Variants in PGBD5 observed in about 807,000 individuals in gnomAD.
PGBD5 encodes the protein piggyBac transposable element derived 5.
Under a neutral mutation model 47.9 loss-of-function variants are expected in PGBD5, and 14 were observed. That is an observed-to-expected ratio of 0.29 (90% CI 0.19 to 0.46). PGBD5 has a LOEUF of 0.46. PGBD5 is among the 20% of genes least tolerant of loss of function. The probability of loss-of-function intolerance (pLI) is 1.00; values close to 1 mark genes in which losing one functional copy is unlikely to be tolerated. For missense variants in PGBD5, 635 were observed against 716.0 expected, an observed-to-expected ratio of 0.89 and a Z score of 1.29; for synonymous variants, 316 against 306.3, an observed-to-expected ratio of 1.03 and a Z score of -0.33.
At chr1:230,391,879 A>G (rs962907781) in intron 1 of PGBD5, among the ~76,000 whole-genome samples, 1 of 152,194 alleles carries the variant, frequency 6.6e-6, no homozygotes. Flanking sequence ...TCTTTCTTCC[A>G]TGCTCAGCAG....
rs139807729 is a variant in PGBD5 at position 230,409,140 on chromosome 1, A to C, written c.331+16458T>G. On this transcript the variant is annotated intron_variant, in intron 1 of 6. Transcript: ENST00000391860. ...CATCATGAGTCATTCAGGAAACACA[A>C]GTCAAAACCTCAATGAGCTTCCACT... Among the ~76,000 whole-genome samples the C allele has an allele frequency of 3.6e-3, 556 of 152,330 alleles. 1 individual carries two copies. The highest frequency in any genetic ancestry group is 6.7e-3 in the Non-Finnish European group (455 of 68,024).
intron 1 of PGBD5, chr1:230,367,964 A>C (rs532460940): frequency 7.3e-7 from 1 of 1,366,478 alleles, no homozygotes; most frequent in Non-Finnish European, 9.8e-7. Flanking sequence ...AAGGAGCTCA[A>C]GGTCCTGCAA....
intron 1 of PGBD5, among the ~76,000 whole-genome samples, chr1:230,418,371 C>T (rs999401242): frequency 1.3e-5 from 2 of 152,172 alleles, no homozygotes; most frequent in African/African-American, 2.4e-5. Flanking sequence ...CTGCTCTATG[C>T]GATATGGATG....
At chr1:230,412,185 G>A (rs982220736) in intron 1 of PGBD5, among the ~76,000 whole-genome samples, 2 of 152,146 alleles carry the variant, frequency 1.3e-5, no homozygotes, top group East Asian at 3.9e-4. Context: ...TTATATTAAT[G>A]CTTATCAACG....
At chr1:230,382,394 G>A (rs1381987923) in intron 1 of PGBD5, among the ~76,000 whole-genome samples, 1 of 152,226 alleles carries the variant, frequency 6.6e-6, no homozygotes, top group African/African-American at 2.4e-5. Context: ...GAGGAGAAGA[G>A]CTGTTGACTG....
At chr1:230,356,021 G>A (rs1194038520) in intron 2 of PGBD5, among the ~76,000 whole-genome samples, 1 of 152,204 alleles carries the variant, frequency 6.6e-6, no homozygotes, top group Non-Finnish European at 1.5e-5. Context: ...GGTTTATTTA[G>A]AAGAGCCTTA....
intron 1 of PGBD5, among the ~76,000 whole-genome samples, chr1:230,396,455 T>G (rs113399480): frequency 0.015 from 1,303 of 84,150 alleles, 46 homozygotes; most frequent in African/African-American, 0.058. Context: ...TCTATCCTCC[T>G]CCCCCTCAAC....
intron 3 of PGBD5, among the ~76,000 whole-genome samples, chr1:230,348,571 T>C (rs1267931554): frequency 2.6e-5 from 4 of 152,230 alleles, no homozygotes; most frequent in Admixed American, 2.6e-4. Flanking sequence ...GGTATTATTC[T>C]GCCCCAGGGC....
intron 1 of PGBD5, among the ~76,000 whole-genome samples, chr1:230,376,114 T>TGA (rs397759163): frequency 1.3e-5 from 2 of 151,732 alleles, no homozygotes; most frequent in African/African-American, 4.8e-5. Context: ...GTGGGCAGAG[T>TGA]CACAGGGTGT....
At chr1:230,393,150 G>A (rs546178634) in intron 1 of PGBD5, among the ~76,000 whole-genome samples, 24 of 135,906 alleles carry the variant, frequency 1.8e-4, no homozygotes, top group South Asian at 5.5e-4. Flanking sequence ...GGAAGAAGAG[G>A]AGGAAGGAAA....
intron 1 of PGBD5, among the ~76,000 whole-genome samples, chr1:230,359,560 C>G (rs1667711084): frequency 6.6e-6 from 1 of 152,210 alleles, no homozygotes; most frequent in Non-Finnish European, 1.5e-5. Context: ...CCCAAATTTA[C>G]TTCTAGCTAA....
chr1:230,338,288 C>A (rs1270215340), intron 3 of PGBD5, among the ~76,000 whole-genome samples: 1 of 152,238 alleles, frequency 6.6e-6, no homozygotes, highest in East Asian at 1.9e-4. Flanking sequence ...GAGGTCTGAG[C>A]AGGGCACGGC....
intron 1 of PGBD5, among the ~76,000 whole-genome samples, chr1:230,393,803 CGA>C: frequency 7.3e-6 from 1 of 137,096 alleles, no homozygotes; most frequent in Non-Finnish European, 1.5e-5. Context: ...CCCGCCTGGG[CGA>C]CAGAACGAGA....
At chr1:230,369,239 C>T (rs898233334) in intron 1 of PGBD5, among the ~76,000 whole-genome samples, 6 of 152,342 alleles carry the variant, frequency 3.9e-5, no homozygotes, top group South Asian at 2.1e-4. Context: ...ACAGGAATCC[C>T]GCTTAAGAAG....
At chr1:230,352,864 T>C (rs1667579172) in intron 2 of PGBD5, among the ~76,000 whole-genome samples, 2 of 152,186 alleles carry the variant, frequency 1.3e-5, no homozygotes, top group Admixed American at 1.3e-4. Flanking sequence ...CTGCCTGTCC[T>C]TTCCCTGCCC....
At chr1:230,374,766 A>G (rs1667985101) in intron 1 of PGBD5, among the ~76,000 whole-genome samples, 1 of 152,242 alleles carries the variant, frequency 6.6e-6, no homozygotes, top group African/African-American at 2.4e-5. Context: ...TTGCAAAACC[A>G]GAGAGCAGGA....
chr1:230,385,444 A>G (rs900768862), intron 1 of PGBD5, among the ~76,000 whole-genome samples: 7 of 152,194 alleles, frequency 4.6e-5, no homozygotes, highest in Admixed American at 4.6e-4. Flanking sequence ...GGTTTTTGGA[A>G]AAGGACCCAC....
At chr1:230,388,570 C>T (rs1198970406) in intron 1 of PGBD5, among the ~76,000 whole-genome samples, 2 of 152,142 alleles carry the variant, frequency 1.3e-5, no homozygotes, top group African/African-American at 4.8e-5. Context: ...CGCCCGCCAC[C>T]ACACCCGGCT....
intron 1 of PGBD5, among the ~76,000 whole-genome samples, chr1:230,420,723 C>T (rs765857181): frequency 1.3e-5 from 2 of 152,180 alleles, no homozygotes; most frequent in East Asian, 3.8e-4. Context: ...AACTATAAGT[C>T]CAATAAACCT....
Sources: gnomAD v4.1 joint callset for allele counts (sites outside exome capture counted in the v4.1 genomes callset) on GRCh38, gnomAD v4.1.1 for gene constraint, MANE v1.5 for transcripts, NCBI Gene and HGNC (gene_info 2026-07-23, HGNC 2026-07-21) for gene names.